SLC16A10: variants seen among roughly 807,000 people sequenced by gnomAD.
SLC16A10 encodes monocarboxylate transporter 10.
A neutral mutation model predicts 40.0 loss-of-function variants in SLC16A10; 27 were observed. That is an observed-to-expected ratio of 0.67 (90% CI 0.50 to 0.93). The LOEUF (loss-of-function observed/expected upper bound fraction) is 0.93, where lower values mean the gene tolerates loss of function less well. Ranked by LOEUF, SLC16A10 falls within the 40% of genes least tolerant of loss-of-function variation. The pLI, the probability that SLC16A10 is intolerant of heterozygous loss-of-function variation, is 0.00. For synonymous variants in SLC16A10, 213 were observed against 249.8 expected, an observed-to-expected ratio of 0.85 and a Z score of 1.39; for missense variants, 529 against 658.2, an observed-to-expected ratio of 0.80 and a Z score of 2.15.
chr6:111,216,603 G>T (rs1320004306), intron 4 of SLC16A10, among the ~76,000 whole-genome samples: 1 of 147,110 alleles, frequency 6.8e-6, no homozygotes, highest in African/African-American at 2.5e-5. Context: ...TTTTAGTAGA[G>T]ACGGGGTTTC....
intron 5 of SLC16A10, among the ~76,000 whole-genome samples, chr6:111,219,278 T>A (rs563156420): frequency 3.3e-5 from 5 of 151,998 alleles, no homozygotes; most frequent in Non-Finnish European, 7.4e-5. Flanking sequence ...ATAAAACACT[T>A]TGGGAGGCTG....
intron 1 of SLC16A10, among the ~76,000 whole-genome samples, chr6:111,126,219 G>C (rs1771671524): frequency 6.6e-6 from 1 of 152,042 alleles, no homozygotes; most frequent in Non-Finnish European, 1.5e-5. Context: ...AGTGTTCCAG[G>C]CTGGATTTTT....
rs1229635837 is a variant in SLC16A10 at position 111,227,677 on chromosome 6, A to C, written c.*5442A>C. On this transcript the variant is annotated 3_prime_UTR_variant, in exon 6 of 6. Coordinates refer to ENST00000368851, the MANE Select transcript of SLC16A10 (RefSeq NM_018593.5). ...AGGGGTGTAATCTTGCTTTCTGGGG[A>C]AATAAAATTCCCCATGGTACTATAT... 3 of 152,162 alleles carry C rather than the reference A, an allele frequency of 2.0e-5. No individual in the cohort carries two copies. 9.4% of individuals were successfully genotyped at this position (152,162 alleles called of 1,614,324 possible).
chr6:111,163,905 T>C (rs1250164688), intron 1 of SLC16A10, among the ~76,000 whole-genome samples: 2 of 152,226 alleles, frequency 1.3e-5, no homozygotes, highest in Non-Finnish European at 2.9e-5. Flanking sequence ...ACACCCTTTA[T>C]TTTTTGATGA....
intron 1 of SLC16A10, among the ~76,000 whole-genome samples, chr6:111,117,862 C>A (rs1299714826): frequency 1.3e-5 from 2 of 152,218 alleles, no homozygotes; most frequent in Non-Finnish European, 2.9e-5. Flanking sequence ...AGGGACCCAG[C>A]AGTGAACCTG....
intron 1 of SLC16A10, among the ~76,000 whole-genome samples, chr6:111,167,733 A>G (rs1772504370): frequency 6.6e-6 from 1 of 151,304 alleles, no homozygotes; most frequent in African/African-American, 2.4e-5. Flanking sequence ...CAGTGGCATG[A>G]TCATAGCTTA....
At chr6:111,120,746 T>C (rs1458729666) in intron 1 of SLC16A10, among the ~76,000 whole-genome samples, 3 of 152,164 alleles carry the variant, frequency 2.0e-5, no homozygotes, top group Non-Finnish European at 2.9e-5. Flanking sequence ...CATATCATAG[T>C]GTTGGTTATT....
At chr6:111,102,774 A>G (rs1195780872) in intron 1 of SLC16A10, among the ~76,000 whole-genome samples, 1 of 152,206 alleles carries the variant, frequency 6.6e-6, no homozygotes, top group African/African-American at 2.4e-5. Flanking sequence ...TCAAGTCTGC[A>G]AGAGTAGCCA....
intron 1 of SLC16A10, among the ~76,000 whole-genome samples, chr6:111,161,353 C>G (rs946007560): frequency 6.6e-6 from 1 of 151,280 alleles, no homozygotes; most frequent in African/African-American, 2.4e-5. Flanking sequence ...TTGCCTGGGA[C>G]TTGTAGCTAG....
chr6:111,214,204 C>A (rs1444654487), intron 4 of SLC16A10, among the ~76,000 whole-genome samples: 1 of 152,066 alleles, frequency 6.6e-6, no homozygotes, highest in Non-Finnish European at 1.5e-5. Context: ...TTAAAGAAAA[C>A]AAAAGCAATA....
intron 1 of SLC16A10, among the ~76,000 whole-genome samples, chr6:111,089,187 CTG>C (rs1374541824): frequency 2.0e-5 from 3 of 152,016 alleles, no homozygotes; most frequent in African/African-American, 7.3e-5. Flanking sequence ...ATGGGCAAGA[CTG>C]TAATAAATTC....
At chr6:111,200,519 GC>G (rs1262874730) in intron 3 of SLC16A10, among the ~76,000 whole-genome samples, 3 of 152,060 alleles carry the variant, frequency 2.0e-5, no homozygotes, top group African/African-American at 4.8e-5. Flanking sequence ...CTAAGGGAGT[GC>G]CCCACTTGTT....
intron 1 of SLC16A10, among the ~76,000 whole-genome samples, chr6:111,113,187 G>A (rs1161663130): frequency 6.6e-6 from 1 of 152,110 alleles, no homozygotes; most frequent in Non-Finnish European, 1.5e-5. Flanking sequence ...GGGCATTTCT[G>A]TGTTAGCTAG....
At chr6:111,170,519 G>C (rs1027953062) in intron 1 of SLC16A10, among the ~76,000 whole-genome samples, 3 of 152,112 alleles carry the variant, frequency 2.0e-5, no homozygotes, top group Non-Finnish European at 1.5e-5. Context: ...GCGCGATCTC[G>C]GCTCACTGCA....
chr6:111,147,996 TTCCCACTACTATACTTTA>T (rs1772109484), intron 1 of SLC16A10, among the ~76,000 whole-genome samples: 1 of 152,196 alleles, frequency 6.6e-6, no homozygotes, highest in Non-Finnish European at 1.5e-5. Context: ...TCAGTGTACC[TTCCCACTACTATACTTTA>T]AATAGATGCC....
At chr6:111,122,617 G>A (rs188134787) in intron 1 of SLC16A10, among the ~76,000 whole-genome samples, 13 of 152,238 alleles carry the variant, frequency 8.5e-5, no homozygotes, top group East Asian at 3.9e-4. Context: ...TGTTCTTATC[G>A]GGTTCTTATG....
At chr6:111,100,992 C>CTCTCTCTCTA (rs1410556945) in intron 1 of SLC16A10, among the ~76,000 whole-genome samples, 1 of 66,424 alleles carries the variant, frequency 1.5e-5, no homozygotes, top group African/African-American at 6.5e-5. Context: ...CTCTCTCTCT[C>CTCTCTCTCTA]TATATATATA....
intron 1 of SLC16A10, among the ~76,000 whole-genome samples, chr6:111,113,707 T>A (rs9384787): frequency 0.72 from 109,110 of 151,956 alleles, 41,519 homozygotes; most frequent in Non-Finnish European, 0.85. Flanking sequence ...ACTTCTTGGC[T>A]AAAGTAATAG....
intron 1 of SLC16A10, among the ~76,000 whole-genome samples, chr6:111,113,372 C>T (rs1470931937): frequency 6.6e-6 from 1 of 152,182 alleles, no homozygotes; most frequent in Non-Finnish European, 1.5e-5. Flanking sequence ...AAAAAGGCCA[C>T]TGGAGGCCCT....
Sources: gnomAD v4.1 joint callset for allele counts (sites outside exome capture counted in the v4.1 genomes callset) on GRCh38, gnomAD v4.1.1 for gene constraint, MANE v1.5 for transcripts, NCBI Gene and HGNC (gene_info 2026-07-23, HGNC 2026-07-21) for gene names.